The following ESR1 variants were observed in gnomAD, a reference collection of about 807,000 sequenced individuals.
The protein encoded by ESR1 is estrogen receptor 1, also known as estrogen receptor.
Under a neutral mutation model 52.7 loss-of-function variants are expected in ESR1, and 12 were observed. The observed-to-expected ratio is 0.23, with a 90% CI of 0.15 to 0.37. The LOEUF (loss-of-function observed/expected upper bound fraction) is 0.37, where lower values mean the gene tolerates loss of function less well. ESR1 is among the 10% of genes least tolerant of loss of function. The pLI is 1.00. For missense variants in ESR1, 584 were observed against 779.7 expected (o/e 0.75, Z 2.99); for synonymous variants, 305 against 316.8 (o/e 0.96, Z 0.39).
At chr6:151,842,851 G>A (rs1235897780) in intron 2 of ESR1, 64 bp downstream of exon 2, 13 of 1,402,150 alleles carry the variant, frequency 9.3e-6, no homozygotes, top group East Asian at 2.3e-5. Context: ...GAGCCAAAGC[G>A]ACTGAGGAAG....
intron 4 of ESR1, among the ~76,000 whole-genome samples, chr6:151,978,506 A>G (rs896856285): frequency 6.6e-6 from 1 of 152,178 alleles, no homozygotes; most frequent in African/African-American, 2.4e-5. Flanking sequence ...ACACCAATCC[A>G]CAGATTCAGA....
At chr6:151,699,255 A>C (rs851985) in intron 1 of ESR1, among the ~76,000 whole-genome samples, 56,125 of 151,840 alleles carry the variant, frequency 0.37, 10,640 homozygotes, top group Non-Finnish European at 0.4. Flanking sequence ...AGGGGAAAAG[A>C]TTTGTACTGC....
chr6:151,861,169 A>G (rs948293610), intron 2 of ESR1, among the ~76,000 whole-genome samples: 9 of 152,158 alleles, frequency 5.9e-5, no homozygotes, highest in African/African-American at 1.9e-4. Flanking sequence ...ATGGCTGGGT[A>G]AGTCTGCATT....
At chr6:151,713,132 G>C (rs919627390) in intron 2 of ESR1, among the ~76,000 whole-genome samples, 1 of 152,102 alleles carries the variant, frequency 6.6e-6, no homozygotes, top group Non-Finnish European at 1.5e-5. Flanking sequence ...TTATGTGATG[G>C]ATTACATTTA....
At chr6:151,956,079 G>A (rs2036876527) in intron 4 of ESR1, among the ~76,000 whole-genome samples, 1 of 152,102 alleles carries the variant, frequency 6.6e-6, no homozygotes, top group African/African-American at 2.4e-5. Context: ...TGGCTGCAGT[G>A]TATTCCATGG....
rs1307364412 is a variant in ESR1, at chr6:151,913,593, C to T, written c.761-30580C>T. On this transcript the variant is annotated intron_variant, in intron 3 of 7. Transcript: ENST00000206249. ...TTTCATAATTGTGATTATTACAATACCTATGAAGATTAATTAGGACAATTT... is the reference window on the plus strand; with the variant it reads ...TTTCATAATTGTGATTATTACAATATCTATGAAGATTAATTAGGACAATTT... 3.3e-5 allele frequency among the ~76,000 whole-genome samples: 5 copies of T among 152,078 alleles called. No individual in the cohort carries two copies. In the South Asian group the frequency reaches 1.0e-3, roughly 31 times the overall value.
At chr6:151,899,116 G>A (rs1485537775) in intron 3 of ESR1, among the ~76,000 whole-genome samples, 16 of 135,358 alleles carry the variant, frequency 1.2e-4, no homozygotes, top group East Asian at 2.7e-4. Context: ...GCGGCTGGCC[G>A]GGCGGGGGGC....
At chr6:152,040,580 C>T (rs1318272809) in intron 5 of ESR1, among the ~76,000 whole-genome samples, 1 of 152,222 alleles carries the variant, frequency 6.6e-6, no homozygotes, top group South Asian at 2.1e-4. Context: ...TATATAATCA[C>T]ACATCTTGCC....
intron 4 of ESR1, among the ~76,000 whole-genome samples, chr6:151,967,872 C>T (rs1018879033): frequency 3.3e-5 from 5 of 152,154 alleles, no homozygotes; most frequent in Non-Finnish European, 7.3e-5. Flanking sequence ...TAATGATTGC[C>T]ATTCTAACTG....
chr6:151,943,830 G>T lies in ESR1; in HGVS notation c.761-343G>T, dbSNP rs151282471. 1.1e-4 allele frequency among the ~76,000 whole-genome samples: 16 copies of T among 152,078 alleles called. No homozygotes were observed. The South Asian group carries it at 2.5e-3, about 24-fold the overall frequency. ...CACACACACCCCTACCTAGTGTGTCGGAATCAGTTTGTATGGGCTCACCAA... is the reference window on the plus strand; with the variant it reads ...CACACACACCCCTACCTAGTGTGTCTGAATCAGTTTGTATGGGCTCACCAA... On this transcript the variant is annotated intron_variant, in intron 3 of 7. Coordinates refer to ENST00000206249, the MANE Select transcript of ESR1 (RefSeq NM_000125.4).
At chr6:151,832,156 C>G (rs1179682199) in intron 1 of ESR1, among the ~76,000 whole-genome samples, 1 of 152,014 alleles carries the variant, frequency 6.6e-6, no homozygotes, top group Non-Finnish European at 1.5e-5. Context: ...TATAAAAGAG[C>G]TAGAGTAATT....
At chr6:151,821,241 T>A (rs945512242) in intron 1 of ESR1, among the ~76,000 whole-genome samples, 1 of 151,924 alleles carries the variant, frequency 6.6e-6, no homozygotes, top group African/African-American at 2.4e-5. Context: ...GTTCCAGCAT[T>A]TATAGTAGAA....
At chr6:151,764,351 G>A (rs960163108) in intron 2 of ESR1, among the ~76,000 whole-genome samples, 1 of 152,128 alleles carries the variant, frequency 6.6e-6, no homozygotes, top group Non-Finnish European at 1.5e-5. Context: ...GGGGAGATAG[G>A]ATTTTTATGT....
At chr6:151,861,126 G>T (rs1315077574) in intron 2 of ESR1, among the ~76,000 whole-genome samples, 1 of 152,096 alleles carries the variant, frequency 6.6e-6, no homozygotes, top group Non-Finnish European at 1.5e-5. Flanking sequence ...AAATTTGGTT[G>T]GATGTATAAA....
intron 1 of ESR1, among the ~76,000 whole-genome samples, chr6:151,841,441 C>T (rs947050527): frequency 3.3e-5 from 5 of 152,198 alleles, no homozygotes; most frequent in Non-Finnish European, 5.9e-5. Flanking sequence ...CCAGTCTTTG[C>T]TTTGTTGGAC....
chr6:151,886,758 C>A (rs116129716), intron 3 of ESR1, among the ~76,000 whole-genome samples: 4,404 of 152,068 alleles, frequency 0.029, 210 homozygotes, highest in African/African-American at 0.1. Context: ...AGTAAACAAC[C>A]GGCTGGCCAT....
At chr6:151,911,936 G>A (rs143817560) in intron 3 of ESR1, among the ~76,000 whole-genome samples, 7 of 152,244 alleles carry the variant, frequency 4.6e-5, no homozygotes, top group African/African-American at 1.4e-4. Flanking sequence ...TCTACTGCAC[G>A]GTCCGGTAGG....
At chr6:151,976,168 A>G (rs2039419076) in intron 4 of ESR1, among the ~76,000 whole-genome samples, 1 of 152,172 alleles carries the variant, frequency 6.6e-6, no homozygotes, top group Non-Finnish European at 1.5e-5. Flanking sequence ...ATGCTCAATA[A>G]AAGAAGCTTT....
intron 2 of ESR1, among the ~76,000 whole-genome samples, chr6:151,770,526 C>T (rs988079371): frequency 1.3e-4 from 19 of 151,728 alleles, no homozygotes; most frequent in African/African-American, 4.6e-4. Context: ...TTTAATATAA[C>T]CCTAATTCAA....
Sources: gnomAD v4.1 joint callset for allele counts (sites outside exome capture counted in the v4.1 genomes callset) on GRCh38, gnomAD v4.1.1 for gene constraint, MANE v1.5 for transcripts, NCBI Gene and HGNC (gene_info 2026-07-23, HGNC 2026-07-21) for gene names.